Variants in DLGAP4 observed in about 807,000 individuals in gnomAD.
The protein encoded by DLGAP4 is disks large-associated protein 4.
A neutral mutation model predicts 86.9 loss-of-function variants in DLGAP4; 18 were observed. The observed-to-expected ratio is 0.21, with a 90% CI of 0.14 to 0.31. DLGAP4 has a LOEUF of 0.31. Ranked by LOEUF, DLGAP4 falls within the 10% of genes least tolerant of loss-of-function variation. The probability of loss-of-function intolerance (pLI) is 1.00; values close to 1 mark genes in which losing one functional copy is unlikely to be tolerated. For missense variants in DLGAP4, 1,085 were observed against 1,362.6 expected (o/e 0.80, Z 3.21); for synonymous variants, 548 against 574.3 (o/e 0.95, Z 0.65).
intron 8 of DLGAP4, chr20:36,499,210 C>T (rs79230029): frequency 2.4e-6 from 3 of 1,231,334 alleles, no homozygotes; most frequent in South Asian, 1.4e-5. Context: ...TTTCGTCGTC[C>T]TTTTTTTTTT....
chr20:36,330,704 C>T (rs1248733077), intron 1 of DLGAP4, among the ~76,000 whole-genome samples: 1 of 151,908 alleles, frequency 6.6e-6, no homozygotes, highest in African/African-American at 2.4e-5. Context: ...TCCCGAGTAG[C>T]TGGGACTATA....
chr20:36,428,840 T>A (rs2033050221), intron 2 of DLGAP4, among the ~76,000 whole-genome samples: 1 of 152,250 alleles, frequency 6.6e-6, no homozygotes, highest in Non-Finnish European at 1.5e-5. Flanking sequence ...TCATCTCTTT[T>A]TTTGAGACAC....
chr20:36,412,635 T>C (rs1024158104), intron 2 of DLGAP4, among the ~76,000 whole-genome samples: 2 of 152,200 alleles, frequency 1.3e-5, no homozygotes, highest in East Asian at 3.8e-4. Context: ...ATAGGGCTGA[T>C]TGGAGGATTC....
At chr20:36,439,321 G>A (rs1031778144) in intron 4 of DLGAP4, among the ~76,000 whole-genome samples, 2 of 152,186 alleles carry the variant, frequency 1.3e-5, no homozygotes, top group African/African-American at 2.4e-5. Context: ...TGTATCAGGG[G>A]CCTAAGCTAT....
rs1040578026 is a variant in DLGAP4, at chr20:36,497,751, G to A, written c.2010+685G>A. Reference sequence around the variant, plus strand: ...CCTCCATAGTCATGGCACACAGCAGGGCAGGTGTGCCAGCTTCCCCTCCAC... The same window carrying A: ...CCTCCATAGTCATGGCACACAGCAGAGCAGGTGTGCCAGCTTCCCCTCCAC... On this transcript the variant is annotated intron_variant, in intron 8 of 12. Coordinates refer to ENST00000339266, the MANE Select transcript of DLGAP4 (RefSeq NM_001365621.2). 3 of 494,046 alleles carry A rather than the reference G, an allele frequency of 6.1e-6. No individual in the cohort carries two copies. The African/African-American group carries it at 6.3e-5, about 10-fold the overall frequency. The allele number at this position is 494,046 out of a possible 1,614,324, so 30.6% of individuals were successfully genotyped here.
chr20:36,323,867 C>G (rs2065192681), intron 1 of DLGAP4, among the ~76,000 whole-genome samples: 1 of 152,236 alleles, frequency 6.6e-6, no homozygotes, highest in South Asian at 2.1e-4. Flanking sequence ...GCTGATCTGA[C>G]AGGAGGAGGA....
intron 7 of DLGAP4, among the ~76,000 whole-genome samples, chr20:36,472,542 C>T (rs2034717251): frequency 6.6e-6 from 1 of 151,858 alleles, no homozygotes; most frequent in Non-Finnish European, 1.5e-5. Flanking sequence ...TAGTTCCTCC[C>T]TCCTATTTTA....
chr20:36,517,718 C>T (rs2147841953), intron 10 of DLGAP4, among the ~76,000 whole-genome samples: 1 of 152,128 alleles, frequency 6.6e-6, no homozygotes, highest in African/African-American at 2.4e-5. Context: ...TTGAATCAGT[C>T]TTGCATTCTC....
At chr20:36,485,576 C>T (rs1185447554) in intron 7 of DLGAP4, among the ~76,000 whole-genome samples, 1 of 152,022 alleles carries the variant, frequency 6.6e-6, no homozygotes, top group African/African-American at 2.4e-5. Context: ...GGACTCAGGC[C>T]CTGTGCAGAG....
intron 2 of DLGAP4, among the ~76,000 whole-genome samples, chr20:36,417,606 A>G (rs1355846321): frequency 6.6e-6 from 1 of 151,954 alleles, no homozygotes; most frequent in African/African-American, 2.4e-5. Flanking sequence ...CAGGTCTCAA[A>G]CTGCTGGGCT....
At chr20:36,449,567 T>A (rs2033682377) in intron 7 of DLGAP4, among the ~76,000 whole-genome samples, 1 of 152,214 alleles carries the variant, frequency 6.6e-6, no homozygotes, top group Non-Finnish European at 1.5e-5. Flanking sequence ...TCTCCCAGGC[T>A]GTCCCAGGCA....
intron 2 of DLGAP4, among the ~76,000 whole-genome samples, chr20:36,405,214 T>C (rs555029752): frequency 6.6e-6 from 1 of 152,154 alleles, no homozygotes; most frequent in Non-Finnish European, 1.5e-5. Flanking sequence ...AAGATGTGGA[T>C]AGTGGTTAAG....
intron 2 of DLGAP4, among the ~76,000 whole-genome samples, chr20:36,415,045 C>T (rs1053152063): frequency 1.3e-5 from 2 of 152,106 alleles, no homozygotes; most frequent in South Asian, 2.1e-4. Flanking sequence ...GCAGGTGGAT[C>T]ACCTGAGGCC....
At chr20:36,315,012 C>CGTGTATGGT (rs2065083823) in intron 1 of DLGAP4, among the ~76,000 whole-genome samples, 1 of 4,348 alleles carries the variant, frequency 2.3e-4, no homozygotes, top group South Asian at 5.0e-3. Context: ...GTGTGTGGTG[C>CGTGTATGGT]GTGTGTGGTG....
chr20:36,472,500 CAA>C (rs1217814412), intron 7 of DLGAP4, among the ~76,000 whole-genome samples: 91 of 76,302 alleles, frequency 1.2e-3, no homozygotes, highest in East Asian at 2.4e-3. Context: ...AACCCTGTCT[CAA>C]AAAAAAAAAA....
chr20:36,512,636 G>C (rs1363650928), intron 10 of DLGAP4: 2 of 152,320 alleles, frequency 1.3e-5, no homozygotes, highest in African/African-American at 4.8e-5. Context: ...GAGCAGTATA[G>C]TGTCCACTGC....
intron 10 of DLGAP4, among the ~76,000 whole-genome samples, chr20:36,501,673 A>G (rs1251781901): frequency 1.3e-5 from 2 of 152,122 alleles, no homozygotes; most frequent in African/African-American, 4.8e-5. Context: ...CTCCACACTC[A>G]GGAAGGACAG....
chr20:36,410,600 G>T (rs913197564), intron 2 of DLGAP4, among the ~76,000 whole-genome samples: 2 of 152,210 alleles, frequency 1.3e-5, no homozygotes, highest in African/African-American at 4.8e-5. Flanking sequence ...CATGGCTGAA[G>T]GTGAAGGGAA....
At chr20:36,487,791 G>A (rs193023754) in intron 7 of DLGAP4, among the ~76,000 whole-genome samples, 1 of 152,234 alleles carries the variant, frequency 6.6e-6, no homozygotes, top group Admixed American at 6.5e-5. Flanking sequence ...TAACAAAATT[G>A]GCATGGGCCC....
Sources: allele counts gnomAD v4.1 joint callset (sites outside exome capture counted in the v4.1 genomes callset), GRCh38; gene constraint gnomAD v4.1.1; transcripts MANE v1.5; gene names NCBI Gene and HGNC (gene_info 2026-07-23, HGNC 2026-07-21).